TENM3: variants seen among roughly 807,000 people sequenced by gnomAD.
TENM3 encodes teneurin transmembrane protein 3, also known as teneurin-3.
In TENM3, 63 loss-of-function variants were observed where a neutral mutation model predicts 255.1. That is an observed-to-expected ratio of 0.25 (90% CI 0.20 to 0.30). The LOEUF is 0.30. Among genes scored for constraint, TENM3 ranks in the 10% least tolerant of loss-of-function variants. The pLI is 1.00. For missense variants in TENM3, 2,929 were observed against 3,461.1 expected (o/e 0.85, Z 3.86); for synonymous variants, 1,306 against 1,322.3 (o/e 0.99, Z 0.27).
chr4:182,573,986 CT>C (rs1744673976), intron 3 of TENM3, among the ~76,000 whole-genome samples: 2 of 152,018 alleles, frequency 1.3e-5, no homozygotes, highest in Non-Finnish European at 2.9e-5. Context: ...AAAATTAATT[CT>C]TCTTAAAGGC....
At chr4:182,226,987 A>T (rs1756201157) in intron 1 of TENM3, among the ~76,000 whole-genome samples, 1 of 152,150 alleles carries the variant, frequency 6.6e-6, no homozygotes. Flanking sequence ...ACTTAATGGC[A>T]GTTTAAAGCT....
intron 3 of TENM3, among the ~76,000 whole-genome samples, chr4:182,377,913 G>A (rs758767834): frequency 9.2e-5 from 14 of 152,152 alleles, no homozygotes; most frequent in Non-Finnish European, 1.9e-4. Flanking sequence ...CTGTAGGTGA[G>A]TGAAATAGAG....
At chr4:182,451,048 G>C (rs1259809030) in intron 3 of TENM3, among the ~76,000 whole-genome samples, 1 of 152,140 alleles carries the variant, frequency 6.6e-6, no homozygotes, top group Non-Finnish European at 1.5e-5. Context: ...CTGCTCGGTA[G>C]CCCTGCATTT....
At chr4:181,754,963 T>C in the TENM3 span, among the ~76,000 whole-genome samples, 1 of 152,186 alleles carries the variant, frequency 6.6e-6, no homozygotes, top group Non-Finnish European at 1.5e-5. Flanking sequence ...CGTGTTTTGT[T>C]AGATTTTGGA....
intron 1 of TENM3, among the ~76,000 whole-genome samples, chr4:182,289,494 C>T (rs925018397): frequency 6.6e-6 from 1 of 152,218 alleles, no homozygotes; most frequent in African/African-American, 2.4e-5. Flanking sequence ...TTGTCCTGTA[C>T]ACATGCCCCA....
At chr4:181,538,131 G>A in the TENM3 span, among the ~76,000 whole-genome samples, 1 of 152,090 alleles carries the variant, frequency 6.6e-6, no homozygotes, top group Non-Finnish European at 1.5e-5. Context: ...AGATACAATG[G>A]AGAAGTATTT....
At chr4:182,445,846 G>A (rs905709725) in intron 3 of TENM3, among the ~76,000 whole-genome samples, 2 of 152,216 alleles carry the variant, frequency 1.3e-5, no homozygotes, top group Non-Finnish European at 2.9e-5. Context: ...GGGGAATTCC[G>A]CAGATCTTAG....
chr4:181,628,155 C>T, the TENM3 span, among the ~76,000 whole-genome samples: 1 of 152,236 alleles, frequency 6.6e-6, no homozygotes, highest in Admixed American at 6.5e-5. Flanking sequence ...GTGTCTGTTC[C>T]TATCCTTGGC....
chr4:182,610,252 T>G (rs1199270542), intron 4 of TENM3, among the ~76,000 whole-genome samples: 2 of 152,220 alleles, frequency 1.3e-5, no homozygotes, highest in East Asian at 3.8e-4. Context: ...CTGAATGCAT[T>G]CATTCATTTA....
At chr4:182,074,325 C>T in the TENM3 span, among the ~76,000 whole-genome samples, 2 of 152,262 alleles carry the variant, frequency 1.3e-5, no homozygotes, top group South Asian at 4.2e-4. Flanking sequence ...TAGTGGGAGG[C>T]ACCCTAGCCC....
At chr4:182,074,612 A>ATT in the TENM3 span, among the ~76,000 whole-genome samples, 1 of 152,234 alleles carries the variant, frequency 6.6e-6, no homozygotes, top group Non-Finnish European at 1.5e-5. Flanking sequence ...CAAGAAAGAA[A>ATT]GATGGAAACT....
At chr4:181,949,378 A>G in the TENM3 span, among the ~76,000 whole-genome samples, 2 of 152,234 alleles carry the variant, frequency 1.3e-5, no homozygotes, top group Admixed American at 1.3e-4. Context: ...ATGGAAAGAA[A>G]GAACTGCTGT....
the TENM3 span, among the ~76,000 whole-genome samples, chr4:182,037,647 T>C: frequency 6.6e-6 from 1 of 152,204 alleles, no homozygotes; most frequent in South Asian, 2.1e-4. Flanking sequence ...TTTGTTTGTT[T>C]GTATTGGCAC....
At chr4:182,549,184 G>A (rs540401266) in intron 3 of TENM3, among the ~76,000 whole-genome samples, 18 of 152,190 alleles carry the variant, frequency 1.2e-4, no homozygotes, top group Non-Finnish European at 2.4e-4. Flanking sequence ...ATGTGTGCAT[G>A]CTTGTGTGCA....
chr4:181,848,391 G>A, the TENM3 span, among the ~76,000 whole-genome samples: 2 of 152,140 alleles, frequency 1.3e-5, no homozygotes, highest in African/African-American at 4.8e-5. Flanking sequence ...AAAGTCTATC[G>A]ATGGGACACA....
At chr4:182,341,699 A>G (rs924637278) in intron 2 of TENM3, among the ~76,000 whole-genome samples, 2 of 152,242 alleles carry the variant, frequency 1.3e-5, no homozygotes, top group Non-Finnish European at 2.9e-5. Context: ...TTTTATTTCT[A>G]TAGGATATAG....
chr4:181,512,627 C>T, the TENM3 span, among the ~76,000 whole-genome samples: 1 of 152,190 alleles, frequency 6.6e-6, no homozygotes, highest in Admixed American at 6.5e-5. Flanking sequence ...TCATTTGTCA[C>T]CCAGGCTCCT....
chr4:181,479,096 A>T, the TENM3 span, among the ~76,000 whole-genome samples: 1 of 152,220 alleles, frequency 6.6e-6, no homozygotes, highest in Non-Finnish European at 1.5e-5. Flanking sequence ...TTTGCCATCC[A>T]ATTAATGCAC....
chr4:181,531,976 GTC>G, the TENM3 span, among the ~76,000 whole-genome samples: 1 of 152,218 alleles, frequency 6.6e-6, no homozygotes, highest in Admixed American at 6.5e-5. Context: ...ATCCCCAGGT[GTC>G]TCTGAGCAGG....
Sources: gnomAD v4.1 joint callset for allele counts (sites outside exome capture counted in the v4.1 genomes callset) on GRCh38, gnomAD v4.1.1 for gene constraint, MANE v1.5 for transcripts, NCBI Gene and HGNC (gene_info 2026-07-23, HGNC 2026-07-21) for gene names.